The following MARCHF3 variants were observed in gnomAD, a reference collection of about 807,000 sequenced individuals.
The protein encoded by MARCHF3 is membrane associated ring-CH-type finger 3.
In MARCHF3, 13 loss-of-function variants were observed where a neutral mutation model predicts 24.2. The observed-to-expected ratio is 0.54, with a 90% CI of 0.35 to 0.85. The LOEUF (loss-of-function observed/expected upper bound fraction) is 0.85. Among genes scored for constraint, MARCHF3 ranks in the 40% least tolerant of loss-of-function variants. MARCHF3 has a pLI of 0.01. For missense variants in MARCHF3, 276 were observed against 325.0 expected (o/e 0.85, Z 1.16); for synonymous variants, 144 against 137.3 (o/e 1.05, Z -0.34).
chr5:126,903,337 A>G (rs1448884168), intron 3 of MARCHF3, among the ~76,000 whole-genome samples: 1 of 152,060 alleles, frequency 6.6e-6, no homozygotes, highest in Non-Finnish European at 1.5e-5. Flanking sequence ...TTCCTCAATA[A>G]AAGTATTGAT....
chr5:126,870,237 T>C lies in MARCHF3; in HGVS notation c.*396A>G, dbSNP rs1419776669. 6.5e-6 allele frequency: 1 copy of C among 152,874 alleles called. No homozygotes were observed. The highest frequency in any genetic ancestry group is 1.5e-5 in the Non-Finnish European group (1 of 68,288). The allele number at this position is 152,874 out of a possible 1,614,324, so 9.5% of individuals were successfully genotyped here. A position where few individuals can be genotyped will look rare whatever the true frequency, so the allele number is the denominator to read the frequency against. On this transcript the variant is annotated 3_prime_UTR_variant, in exon 5 of 5. Transcript: ENST00000308660. ...CAAGAAACCAGTTTTTACGTTGACT[T>C]TTTGATTTTGATTATCATCTAAGTT...
intron 1 of MARCHF3, among the ~76,000 whole-genome samples, chr5:127,025,498 T>C (rs1752964631): frequency 6.6e-6 from 1 of 152,118 alleles, no homozygotes; most frequent in South Asian, 2.1e-4. Flanking sequence ...TGGAGGTATT[T>C]CTTTTCCACC....
At chr5:126,901,260 A>G (rs1183727188) in intron 3 of MARCHF3, among the ~76,000 whole-genome samples, 1 of 152,164 alleles carries the variant, frequency 6.6e-6, no homozygotes, top group Non-Finnish European at 1.5e-5. Flanking sequence ...CTAGATTGCA[A>G]AGAATATTGC....
At chr5:126,904,807 T>A (rs1307333375) in intron 3 of MARCHF3, among the ~76,000 whole-genome samples, 23 of 151,532 alleles carry the variant, frequency 1.5e-4, no homozygotes, top group African/African-American at 5.6e-4. Flanking sequence ...GTGCAGAAGC[T>A]CTTTAGTTCA....
chr5:126,871,495 G>A (rs144767220), intron 4 of MARCHF3, among the ~76,000 whole-genome samples: 90 of 152,316 alleles, frequency 5.9e-4, no homozygotes, highest in Non-Finnish European at 1.1e-3. Flanking sequence ...ATGGCACTGA[G>A]TGTCCTGAAC....
intron 3 of MARCHF3, among the ~76,000 whole-genome samples, chr5:126,888,846 C>T (rs1753581552): frequency 6.6e-6 from 1 of 152,164 alleles, no homozygotes; most frequent in African/African-American, 2.4e-5. Flanking sequence ...CTCACTGCAA[C>T]CTCCACCTCC....
At chr5:127,027,542 G>A (rs1003963027) in intron 1 of MARCHF3, among the ~76,000 whole-genome samples, 3 of 152,172 alleles carry the variant, frequency 2.0e-5, no homozygotes, top group African/African-American at 4.8e-5. Flanking sequence ...AGAGTGGGGG[G>A]TGAAGGAACT....
intron 1 of MARCHF3, among the ~76,000 whole-genome samples, chr5:126,980,651 G>A (rs1222503545): frequency 2.0e-5 from 3 of 152,124 alleles, no homozygotes; most frequent in African/African-American, 7.2e-5. Flanking sequence ...TTACAGGTGT[G>A]AGCCACCACG....
intron 1 of MARCHF3, among the ~76,000 whole-genome samples, chr5:126,957,066 G>T (rs1243017063): frequency 6.8e-6 from 1 of 146,154 alleles, no homozygotes; most frequent in African/African-American, 2.5e-5. Context: ...GGCTAAGAAT[G>T]GTATTCTTTT....
intron 1 of MARCHF3, among the ~76,000 whole-genome samples, chr5:126,964,782 T>G (rs1215661197): frequency 1.3e-5 from 2 of 152,122 alleles, no homozygotes; most frequent in Admixed American, 6.5e-5. Flanking sequence ...TGTTTCAGTG[T>G]GAGACCAGCT....
chr5:126,974,944 A>ACATTC, intron 1 of MARCHF3, among the ~76,000 whole-genome samples: 1 of 152,294 alleles, frequency 6.6e-6, no homozygotes, highest in East Asian at 1.9e-4. Flanking sequence ...GTGGGATATA[A>ACATTC]CATTCTTTTT....
chr5:126,946,761 GGTGTGTGTGTGTGTGT>G lies in MARCHF3; in HGVS notation c.-56-28550_-56-28535del, dbSNP rs58269583. On this transcript the variant is annotated intron_variant, in intron 1 of 4. Coordinates refer to ENST00000308660, the MANE Select transcript of MARCHF3 (RefSeq NM_178450.5). The stretch of plus-strand genomic sequence containing the variant: ...AGGGAGAGGGACTCGTGTAAGTAGG[GGTGTGTGTGTGTGTGT>G]GTGTGTGTGTGTGTGTGTGTCTGTG... 1.6e-3 allele frequency among the ~76,000 whole-genome samples: 218 copies of G among 136,042 alleles called. 1 individual carries two copies. The highest frequency in any genetic ancestry group is 5.9e-3 in the African/African-American group (211 of 35,724). 89.2% of individuals were successfully genotyped at this position (136,042 alleles called of 152,430 possible). A position where few individuals can be genotyped will look rare whatever the true frequency, so the allele number is the denominator to read the frequency against.
At chr5:126,905,394 A>G (rs1430522032) in intron 3 of MARCHF3, among the ~76,000 whole-genome samples, 3 of 144,202 alleles carry the variant, frequency 2.1e-5, no homozygotes, top group African/African-American at 5.2e-5. Context: ...GAATCTGTAA[A>G]TTACCTTGGG....
intron 1 of MARCHF3, among the ~76,000 whole-genome samples, chr5:127,029,506 G>T (rs1753105224): frequency 6.6e-6 from 1 of 152,134 alleles, no homozygotes. Flanking sequence ...ACCATTAAGG[G>T]GGGAAAACAA....
chr5:126,893,135 A>G (rs1393066034), intron 3 of MARCHF3, among the ~76,000 whole-genome samples: 2 of 151,722 alleles, frequency 1.3e-5, no homozygotes, highest in Non-Finnish European at 2.9e-5. Flanking sequence ...CGGTGGTGAT[A>G]TCCCCTTTAT....
intron 1 of MARCHF3, among the ~76,000 whole-genome samples, chr5:126,965,842 A>G (rs978312340): frequency 6.6e-6 from 1 of 152,232 alleles, no homozygotes; most frequent in Non-Finnish European, 1.5e-5. Flanking sequence ...AAAAAGTTAA[A>G]CATATATTTA....
At chr5:126,999,347 C>T (rs188862920) in intron 1 of MARCHF3, among the ~76,000 whole-genome samples, 65 of 152,254 alleles carry the variant, frequency 4.3e-4, no homozygotes, top group African/African-American at 1.5e-3. Context: ...CCATTAGAGC[C>T]GGCCAGTCCA....
intron 1 of MARCHF3, among the ~76,000 whole-genome samples, chr5:127,006,410 G>C (rs1034625443): frequency 2.0e-5 from 3 of 152,024 alleles, no homozygotes; most frequent in Admixed American, 6.5e-5. Context: ...TTTAAGGGCT[G>C]TCATTGTTTT....
rs75817483 is a variant in MARCHF3 at position 126,971,528 on chromosome 5, T to C, written c.-56-53301A>G. On this transcript the variant is annotated intron_variant, in intron 1 of 4. Coordinates refer to ENST00000308660, the MANE Select transcript of MARCHF3 (RefSeq NM_178450.5). ...CCCCAACATCCTTGCAGCAGGTCTA[T>C]TGTACCTTAAGCTGTGCTCTAACTT... Among the ~76,000 whole-genome samples the C allele has an allele frequency of 9.7e-3, 1,473 of 152,164 alleles. 17 individuals carry two copies. The highest frequency in any genetic ancestry group is 0.034 in the African/African-American group (1,405 of 41,500).
Sources: gnomAD v4.1 joint callset for allele counts (sites outside exome capture counted in the v4.1 genomes callset) on GRCh38, gnomAD v4.1.1 for gene constraint, MANE v1.5 for transcripts, NCBI Gene and HGNC (gene_info 2026-07-23, HGNC 2026-07-21) for gene names.